Variants in PRAMEF5 observed in about 807,000 individuals in gnomAD.
The protein encoded by PRAMEF5 is PRAME family member 23.
A neutral mutation model predicts 16.4 loss-of-function variants in PRAMEF5; 5 were observed. The ratio of observed to expected loss-of-function variants is 0.30; its 90% CI spans 0.16 to 0.64. The LOEUF (loss-of-function observed/expected upper bound fraction) is 0.64, where lower values mean the gene tolerates loss of function less well. Among genes scored for constraint, PRAMEF5 ranks in the 30% least tolerant of loss-of-function variants. The probability of loss-of-function intolerance (pLI) is 0.80; values close to 1 mark genes in which losing one functional copy is unlikely to be tolerated. For synonymous variants in PRAMEF5, 19 were observed against 107.3 expected, an observed-to-expected ratio of 0.18 and a Z score of 5.09; for missense variants, 36 against 282.9, an observed-to-expected ratio of 0.13 and a Z score of 6.26.
At position 13,262,046 on chromosome 1, in the gene PRAMEF5, T is replaced by A. The variant is rs1367512785; in HGVS notation, c.870-504T>A. The A allele has an allele frequency of 1.2e-4, 19 of 160,912 alleles. 2 individuals are homozygous for A. The highest frequency in any genetic ancestry group is 5.2e-5 in the Non-Finnish European group (4 of 76,876). 10.0% of individuals were successfully genotyped at this position (160,912 alleles called of 1,614,324 possible). A position where few individuals can be genotyped will look rare whatever the true frequency, so the allele number is the denominator to read the frequency against. On this transcript the variant is annotated intron_variant, in intron 3 of 3. Coordinates refer to ENST00000622421, the Ensembl canonical transcript of PRAMEF5. ...TAAATGATGGTGAAGTGACTCAGCC[T>A]CAAATGGAATTATTTTTTTCTCCTT...
At position 13,262,337 on chromosome 1, in the gene PRAMEF5, C is replaced by T. The variant is rs1206948558; in HGVS notation, c.870-213C>T. 2 of 263,412 alleles carry T rather than the reference C, an allele frequency of 7.6e-6. 1 individual carries two copies. Among genetic ancestry groups the T allele is most frequent in the Non-Finnish European group, 1.4e-5 (2 of 144,202 alleles). The allele number at this position is 263,412 out of a possible 1,614,324, so 16.3% of individuals were successfully genotyped here. On this transcript the variant is annotated intron_variant, in intron 3 of 3. Transcript: ENST00000622421. The stretch of plus-strand genomic sequence containing the variant: ...TCAGCCTCCCAAAGTGCTGGGATTA[C>T]AGGTGTGAGTTACTGGGCCGGGCCT...
chr1:13,263,272 TGGGGG>T, exon 4 of PRAMEF5: 1 of 1,223,496 alleles, frequency 8.2e-7, no homozygotes, highest in Non-Finnish European at 1.2e-6. Flanking sequence ...GGGCAGGACT[TGGGGG>T]AAGTGTTGCC....
chr1:13,261,968 T>C (rs1476764278), intron 3 of PRAMEF5: 2 of 80,760 alleles, frequency 2.5e-5, no homozygotes, highest in African/African-American at 4.3e-5. Context: ...GTTTTCTGCC[T>C]GACAGATGAG....
At chr1:13,260,342 G>C (rs1639380093) in exon 3 of PRAMEF5, 2 of 1,598,848 alleles carry the variant, frequency 1.3e-6, no homozygotes, top group Non-Finnish European at 1.7e-6. Flanking sequence ...AACCAGTGCA[G>C]GACTGTCCAA....
chr1:13,263,110 GA>G lies in PRAMEF5; in HGVS notation c.*1del, dbSNP rs1639418860. On this transcript the variant is annotated frameshift_variant and stop_lost, in exon 4 of 4. Coordinates refer to ENST00000622421, the Ensembl canonical transcript of PRAMEF5. LOFTEE classifies it high-confidence loss of function. ...CTGGAGGCAGATCAATGCTGCTGTT[GA>G]ATGCCTGCCTATTTGGGTGGATATG... 1 of 1,091,474 alleles carries G rather than the reference GA, an allele frequency of 9.2e-7. No homozygotes were observed. Among genetic ancestry groups the G allele is most frequent in the Admixed American group, 2.1e-5 (1 of 46,972 alleles). 67.6% of individuals were successfully genotyped at this position (1,091,474 alleles called of 1,614,324 possible).
intron 2 of PRAMEF5, 51 bp from the exon 3 acceptor site, chr1:13,260,171 A>C (rs1639373900): frequency 6.4e-7 from 1 of 1,558,218 alleles, no homozygotes; most frequent in Admixed American, 1.7e-5. Flanking sequence ...GTGGAGTTTA[A>C]GTTCAGAAAT....
chr1:13,263,418 A>C, downstream of PRAMEF5: 1 of 523,582 alleles, frequency 1.9e-6, no homozygotes, highest in Non-Finnish European at 3.4e-6. Context: ...AAACAATCAG[A>C]AATAAAGGAA....
chr1:13,255,962 A>G (rs1553173985), intron 1 of PRAMEF5: 20,491 of 141,360 alleles, frequency 0.14, 195 homozygotes, highest in African/African-American at 0.23. Flanking sequence ...TTGTAATTTT[A>G]GTAGAGGTAG....
At chr1:13,260,182 G>A (rs1478416270) in intron 2 of PRAMEF5, 40 bp from the exon 3 acceptor site, 10 of 1,558,476 alleles carry the variant, frequency 6.4e-6, no homozygotes, top group Non-Finnish European at 7.9e-6. Flanking sequence ...GTTCAGAAAT[G>A]AGTTCTGAAA....
At chr1:13,260,872 T>A in intron 3 of PRAMEF5, 69 bp downstream of exon 3, 2 of 222,612 alleles carry the variant, frequency 9.0e-6, no homozygotes, top group Non-Finnish European at 1.5e-5. Context: ...CTAGTGGGCA[T>A]CTACTGTGAG....
intron 2 of PRAMEF5, 122 bp downstream of exon 2, chr1:13,259,677 G>A: frequency 2.8e-5 from 1 of 35,920 alleles, no homozygotes; most frequent in Non-Finnish European, 5.3e-5. Flanking sequence ...AGAGGACTTG[G>A]CCATTCACCA....
chr1:13,260,149 G>C, intron 2 of PRAMEF5, 73 bp from the exon 3 acceptor site: 1 of 1,553,316 alleles, frequency 6.4e-7, no homozygotes, highest in Non-Finnish European at 8.8e-7. Flanking sequence ...GGGAGGAGCT[G>C]CTCTCCAGGA....
intron 3 of PRAMEF5, chr1:13,261,147 G>A: frequency 8.6e-4 from 8 of 9,256 alleles, no homozygotes; most frequent in Non-Finnish European, 1.3e-3. Flanking sequence ...GGTGGCTCAT[G>A]CCTGTAATCC....
At chr1:13,262,409 C>T (rs1639403704) in intron 3 of PRAMEF5, 141 bp from the exon 4 acceptor site, 1 of 545,808 alleles carries the variant, frequency 1.8e-6, no homozygotes, top group South Asian at 3.4e-5. Context: ...ACACATCATC[C>T]TAAATGTTGA....
chr1:13,256,471 AC>A (rs1639330442), intron 1 of PRAMEF5: 1 of 75,410 alleles, frequency 1.3e-5, no homozygotes, highest in Admixed American at 1.7e-4. Context: ...CTCCCATCTG[AC>A]CTACAGTCAG....
exon 3 of PRAMEF5, chr1:13,260,378 T>C: frequency 6.5e-7 from 1 of 1,537,496 alleles, no homozygotes; most frequent in Non-Finnish European, 8.9e-7. Flanking sequence ...AGCCCTTGAC[T>C]GTGTTCGTAG....
intron 1 of PRAMEF5, chr1:13,255,780 T>TC: frequency 1.3e-4 from 1 of 7,818 alleles, no homozygotes; most frequent in Non-Finnish European, 2.3e-4. Context: ...CTTTTTCTTT[T>TC]TTTTTTTTTT....
At position 13,263,285 on chromosome 1, in the gene PRAMEF5, G is replaced by A. The variant is rs1043977714; in HGVS notation, c.*174G>A. On this transcript the variant is annotated 3_prime_UTR_variant, in exon 4 of 4. Coordinates refer to ENST00000622421, the Ensembl canonical transcript of PRAMEF5. ...AGGGGCAGGACTTGGGGGAAGTGTT[G>A]CCATGGATTCGATGGGACTTTGGGG... The A allele has an allele frequency of 1.2e-5, 12 of 986,302 alleles. No homozygotes were observed. The Admixed American group carries it at 2.6e-4, about 22-fold the overall frequency. The allele number at this position is 986,302 out of a possible 1,614,324, so 61.1% of individuals were successfully genotyped here.
chr1:13,255,770 CTTTTTCTTTT>C (rs1639312377), intron 1 of PRAMEF5: 1 of 24,610 alleles, frequency 4.1e-5, no homozygotes, highest in African/African-American at 9.4e-5. Flanking sequence ...TCTCCTTTTT[CTTTTTCTTTT>C]TTTTTTTTTT....
Sources: gnomAD v4.1 joint callset for allele counts on GRCh38, gnomAD v4.1.1 for gene constraint, MANE v1.5 for transcripts, NCBI Gene and HGNC (gene_info 2026-07-23, HGNC 2026-07-21) for gene names.